PKNOX2: variants seen among roughly 807,000 people sequenced by gnomAD.
PKNOX2 encodes homeobox protein PKNOX2.
Under a neutral mutation model 53.1 loss-of-function variants are expected in PKNOX2, and 14 were observed. The ratio of observed to expected loss-of-function variants is 0.26; its 90% CI spans 0.17 to 0.41. The LOEUF (loss-of-function observed/expected upper bound fraction) is 0.41, where lower values mean the gene tolerates loss of function less well. Ranked by LOEUF, PKNOX2 falls within the 10% of genes least tolerant of loss-of-function variation. The pLI is 1.00. For missense variants in PKNOX2, 496 were observed against 602.8 expected (o/e 0.82, Z 1.85); for synonymous variants, 257 against 242.8 (o/e 1.06, Z -0.54).
At chr11:125,242,302 G>A (rs564173106) in intron 2 of PKNOX2, among the ~76,000 whole-genome samples, 6 of 152,172 alleles carry the variant, frequency 3.9e-5, no homozygotes, top group Non-Finnish European at 8.8e-5. Flanking sequence ...GCATCTCCCT[G>A]TAGGGAGGTA....
chr11:125,272,414 G>A (rs1933298075), intron 2 of PKNOX2, among the ~76,000 whole-genome samples: 1 of 152,170 alleles, frequency 6.6e-6, no homozygotes, highest in African/African-American at 2.4e-5. Context: ...GAATGCTCTT[G>A]TCCCAGTTTC....
intron 1 of PKNOX2, among the ~76,000 whole-genome samples, chr11:125,192,906 G>A (rs966913642): frequency 6.6e-6 from 1 of 152,218 alleles, no homozygotes; most frequent in African/African-American, 2.4e-5. Context: ...CAGTGAGCGA[G>A]GGGCTGTTTG....
chr11:125,337,116 T>C (rs1950470402), intron 3 of PKNOX2, among the ~76,000 whole-genome samples: 1 of 152,168 alleles, frequency 6.6e-6, no homozygotes, highest in Non-Finnish European at 1.5e-5. Context: ...ACCTCTGCAT[T>C]CTATAGGTGA....
chr11:125,202,872 T>C (rs1405936285), intron 1 of PKNOX2, among the ~76,000 whole-genome samples: 1 of 152,216 alleles, frequency 6.6e-6, no homozygotes, highest in African/African-American at 2.4e-5. Flanking sequence ...CTCCCACCTT[T>C]CCTCTCTACC....
At chr11:125,411,130 C>T (rs139353081) in intron 9 of PKNOX2, 14 of 429,472 alleles carry the variant, frequency 3.3e-5, no homozygotes, top group East Asian at 8.7e-5. Context: ...CAGACTGAGC[C>T]GCTGTGTCCC....
chr11:125,416,713 A>G lies in PKNOX2; in HGVS notation c.936+4848A>G, dbSNP rs139126355. Among the ~76,000 whole-genome samples, 894 of 152,208 alleles carry G rather than the reference A, an allele frequency of 5.9e-3. 26 individuals are homozygous for G. Among genetic ancestry groups the G allele is most frequent in the African/African-American group, 0.02 (811 of 41,418 alleles). On this transcript the variant is annotated intron_variant, in intron 10 of 12. Coordinates refer to ENST00000298282, the MANE Select transcript of PKNOX2 (RefSeq NM_001382323.2). ...CAGAGTGCTGCAGACAGCAGTTCTA[A>G]TGATTTACAGAAGAAGTGGAAACAG...
chr11:125,412,526 C>G (rs139509901), intron 10 of PKNOX2, among the ~76,000 whole-genome samples: 1 of 152,198 alleles, frequency 6.6e-6, no homozygotes, highest in East Asian at 1.9e-4. Context: ...TTGCAAAAGA[C>G]GAGCCTTTGG....
At chr11:125,322,919 A>T (rs78814776) in intron 2 of PKNOX2, among the ~76,000 whole-genome samples, 6,192 of 152,266 alleles carry the variant, frequency 0.041, 414 homozygotes, top group African/African-American at 0.14. Flanking sequence ...AAGTTAACGG[A>T]TGGGATTGGA....
In PKNOX2 at chr11:125,394,736, A is replaced by AT. The variant is rs369635873; in HGVS notation, c.400-3137dup. Among the ~76,000 whole-genome samples, 360 of 152,344 alleles carry AT rather than the reference A, an allele frequency of 2.4e-3. 2 individuals carry two copies. The highest frequency in any genetic ancestry group is 8.2e-3 in the African/African-American group (339 of 41,582). The stretch of plus-strand genomic sequence containing the variant: ...GCTAGGAGGGTGGGACTAAAAAGAG[A>AT]TCCCATATATTGCTTGCGTCAACAT... On this transcript the variant is annotated intron_variant, in intron 6 of 12. Coordinates refer to ENST00000298282, the MANE Select transcript of PKNOX2 (RefSeq NM_001382323.2).
chr11:125,166,377 G>A lies in PKNOX2; in HGVS notation c.-201+1601G>A, dbSNP rs1177039606. On this transcript the variant is annotated intron_variant, in intron 1 of 12. Transcript: ENST00000298282. The surrounding 1 kb of genome is among the most constrained non-coding windows in gnomAD (Gnocchi z 4.0). ...ATTTTTGCTGCTTCCCCCTGAAAGT[G>A]TTTCTTTAGGAGGAGAGGACTTGGG... Among the ~76,000 whole-genome samples, 1 of 152,216 alleles carries A rather than the reference G, an allele frequency of 6.6e-6. No individual in the cohort carries two copies. The highest frequency in any genetic ancestry group is 1.5e-5 in the Non-Finnish European group (1 of 68,034).
At chr11:125,279,746 T>C (rs753889025) in intron 2 of PKNOX2, among the ~76,000 whole-genome samples, 1 of 152,216 alleles carries the variant, frequency 6.6e-6, no homozygotes, top group Non-Finnish European at 1.5e-5. Flanking sequence ...CCAGTGAACG[T>C]GGCCCCAATG....
chr11:125,218,518 G>C (rs1940795146), intron 1 of PKNOX2, among the ~76,000 whole-genome samples: 1 of 152,158 alleles, frequency 6.6e-6, no homozygotes, highest in East Asian at 1.9e-4. Context: ...AGGGCAGGAG[G>C]GATAGGCTGA....
At chr11:125,411,080 G>T (rs1165623488) in intron 9 of PKNOX2, 21 of 541,920 alleles carry the variant, frequency 3.9e-5, no homozygotes, top group African/African-American at 7.6e-5. Flanking sequence ...CTCCCTCCTG[G>T]GGTTACATCA....
Position 125,299,242 on chromosome 11 carries a change from C to A in PKNOX2, c.-129-32577C>A, listed in dbSNP as rs914303095. ...GAGCACCAAGCCGTTCATGAGGAAC[C>A]CACCTCCACGATCTGAACACCTCCC... is the stretch of plus-strand genomic sequence containing the variant. On this transcript the variant is annotated intron_variant, in intron 2 of 12. Coordinates refer to ENST00000298282, the MANE Select transcript of PKNOX2 (RefSeq NM_001382323.2). Among the ~76,000 whole-genome samples the A allele has an allele frequency of 2.0e-5, 3 of 152,272 alleles. No homozygotes were observed. The East Asian group carries it at 5.8e-4, about 29-fold the overall frequency.
chr11:125,238,360 T>C (rs1488130632), intron 2 of PKNOX2, among the ~76,000 whole-genome samples: 3 of 152,196 alleles, frequency 2.0e-5, no homozygotes, highest in East Asian at 1.9e-4. Flanking sequence ...ACTTACTACA[T>C]GCTAGGCATC....
chr11:125,415,198 A>G (rs997836263), intron 10 of PKNOX2, among the ~76,000 whole-genome samples: 1 of 151,742 alleles, frequency 6.6e-6, no homozygotes, highest in African/African-American at 2.4e-5. Flanking sequence ...CCATGGTGAA[A>G]TAAGTTTGGG....
intron 5 of PKNOX2, among the ~76,000 whole-genome samples, chr11:125,381,194 C>T (rs925340721): frequency 2.0e-5 from 3 of 152,098 alleles, no homozygotes; most frequent in African/African-American, 4.8e-5. Flanking sequence ...GACCATGGAT[C>T]ACAGGAAAAG....
intron 1 of PKNOX2, among the ~76,000 whole-genome samples, chr11:125,204,158 G>T (rs992840944): frequency 6.6e-6 from 1 of 152,208 alleles, no homozygotes; most frequent in Admixed American, 6.5e-5. Flanking sequence ...GGTGAACAGG[G>T]TGAGAAGCAA....
At chr11:125,325,549 C>T (rs1299350357) in intron 2 of PKNOX2, among the ~76,000 whole-genome samples, 4 of 152,142 alleles carry the variant, frequency 2.6e-5, no homozygotes, top group African/African-American at 9.7e-5. Flanking sequence ...AAAGATTCTG[C>T]TAGATGAGAT....
Sources: allele counts gnomAD v4.1 joint callset (sites outside exome capture counted in the v4.1 genomes callset), GRCh38; gene constraint gnomAD v4.1.1; non-coding constraint Gnocchi (gnomAD v3.1); transcripts MANE v1.5; gene names NCBI Gene and HGNC (gene_info 2026-07-23, HGNC 2026-07-21).